Variants in EDA observed in about 807,000 individuals in gnomAD.
The protein encoded by EDA is ectodysplasin-A.
A neutral mutation model predicts 23.6 loss-of-function variants in EDA; 2 were observed. The observed-to-expected ratio is 0.08, with a 90% CI of 0.03 to 0.27. EDA has a LOEUF of 0.27. Ranked by LOEUF, EDA falls within the 10% of genes least tolerant of loss-of-function variation. The probability of loss-of-function intolerance (pLI) is 1.00; values close to 1 mark genes in which losing one functional copy is unlikely to be tolerated. For missense variants in EDA, 229 were observed against 324.2 expected (o/e 0.71, Z 2.26); for synonymous variants, 131 against 132.0 (o/e 0.99, Z 0.05).
chrX:69,642,002 C>G (rs1932844997), intron 1 of EDA, among the ~76,000 whole-genome samples: 1 of 111,668 alleles, frequency 9.0e-6, no homozygotes, highest in South Asian at 3.7e-4. Context: ...TAGAAAAGTT[C>G]CTGGCTTACA....
rs953986317 is a variant in EDA at position 69,973,578 on chromosome X, T to G, written c.502+16446T>G. Among the ~76,000 whole-genome samples the G allele has an allele frequency of 2.7e-5, 3 of 111,603 alleles. No homozygotes were observed. In the East Asian group the frequency reaches 8.5e-4, roughly 32 times the overall value. On this transcript the variant is annotated intron_variant, in intron 2 of 7. Coordinates refer to ENST00000374552, the MANE Select transcript of EDA (RefSeq NM_001399.5). ...GGAACTCCCTCTAACTTGCATTGCC[T>G]TCTCCCTCATTCCCTAGTTGTCCCA...
intron 1 of EDA, among the ~76,000 whole-genome samples, chrX:69,791,864 A>C (rs2015414182): frequency 8.9e-6 from 1 of 111,892 alleles, no homozygotes; most frequent in Non-Finnish European, 1.9e-5. Flanking sequence ...GGCTGGTCTC[A>C]AATTCCTGAC....
intron 1 of EDA, among the ~76,000 whole-genome samples, chrX:69,707,085 A>C (rs1213970375): frequency 8.9e-6 from 1 of 112,325 alleles, no homozygotes; most frequent in Admixed American, 9.5e-5. Flanking sequence ...TCCAAAGATC[A>C]TGTTGACCAG....
At chrX:69,698,232 G>T (rs1299900038) in intron 1 of EDA, among the ~76,000 whole-genome samples, 4 of 111,620 alleles carry the variant, frequency 3.6e-5, no homozygotes, top group Non-Finnish European at 7.5e-5. Flanking sequence ...CGAGGGTGTT[G>T]CCCACTGTTA....
At chrX:69,738,425 A>G (rs2013341423) in intron 1 of EDA, among the ~76,000 whole-genome samples, 1 of 108,481 alleles carries the variant, frequency 9.2e-6, no homozygotes, top group South Asian at 3.9e-4. Context: ...TAATTTCTCA[A>G]TTTTGTAGAT....
In EDA at chrX:69,749,919, GTTCTTTTTT is replaced by G. The variant is rs1268323184; in HGVS notation, c.396+133218_396+133226del. Among the ~76,000 whole-genome samples, 42 of 48,607 alleles carry G rather than the reference GTTCTTTTTT, an allele frequency of 8.6e-4. 1 individual carries two copies. Among genetic ancestry groups the G allele is most frequent in the Middle Eastern group, 0.011 (1 of 89 alleles). The allele number at this position is 48,607 out of a possible 115,157, so 42.2% of individuals were successfully genotyped here. A position where few individuals can be genotyped will look rare whatever the true frequency, so the allele number is the denominator to read the frequency against. On this transcript the variant is annotated intron_variant, in intron 1 of 7. Transcript: ENST00000374552. The stretch of plus-strand genomic sequence containing the variant: ...TTTTTAGAAACTTCCTCTCACTAAG[GTTCTTTTTT>G]TTTTTTTTTTTTTTTTTTTTTGGTT...
At chrX:69,795,397 G>T (rs963571986) in intron 1 of EDA, among the ~76,000 whole-genome samples, 6 of 112,567 alleles carry the variant, frequency 5.3e-5, no homozygotes, top group Non-Finnish European at 1.1e-4. Flanking sequence ...AAACATAATT[G>T]TAGCTAAATC....
At chrX:69,635,820 T>C (rs1569278614) in intron 1 of EDA, among the ~76,000 whole-genome samples, 1 of 110,265 alleles carries the variant, frequency 9.1e-6, no homozygotes, top group Non-Finnish European at 1.9e-5. Context: ...CCAAATCTTA[T>C]AGATTCTACC....
chrX:69,988,647 G>A (rs2019539739), intron 2 of EDA, among the ~76,000 whole-genome samples: 1 of 111,709 alleles, frequency 9.0e-6, no homozygotes, highest in Non-Finnish European at 1.9e-5. Flanking sequence ...CCTGAAGTCA[G>A]GGATTCGAGA....
intron 1 of EDA, among the ~76,000 whole-genome samples, chrX:69,711,947 C>G (rs2012067770): frequency 9.0e-6 from 1 of 111,146 alleles, no homozygotes; most frequent in Admixed American, 9.6e-5. Flanking sequence ...AAAACCAGCT[C>G]CTGGATTCAT....
At chrX:69,832,205 A>T (rs763485935) in intron 1 of EDA, among the ~76,000 whole-genome samples, 1 of 111,433 alleles carries the variant, frequency 9.0e-6, no homozygotes, top group Non-Finnish European at 1.9e-5. Context: ...ATCTCGAGTT[A>T]ATTTTTGTAT....
chrX:69,616,433 T>A lies in EDA; in HGVS notation c.125T>A (p.Leu42His), dbSNP rs149975042. 2 of 1,210,293 alleles carry A rather than the reference T, an allele frequency of 1.7e-6. No individual in the cohort carries two copies. Among genetic ancestry groups the A allele is most frequent in the Non-Finnish European group, 2.2e-6 (2 of 895,112 alleles). Residue 42 changes from leucine (L) to histidine (H), a missense_variant, in exon 1 of 8, where the codon CTC becomes CAC. Physicochemically the swap from Leu to His is moderately conservative, Grantham distance 99. Around this residue, in one of 2 missense-constraint regions of EDA, gnomAD observed 54 missense variants for 42.4 expected, o/e 1.27. Coordinates refer to ENST00000374552, the MANE Select transcript of EDA (RefSeq NM_001399.5). ...ARAGEGNSCLLFLGFFGLSLA... is the reference protein window; with the variant it reads ...ARAGEGNSCLHFLGFFGLSLA... ...GCGGGCGAAGGGAACAGCTGCCTGC[T>A]CTTCCTGGGTTTCTTTGGCCTCTCG...
At chrX:69,977,468 T>C (rs1169778583) in intron 2 of EDA, among the ~76,000 whole-genome samples, 1 of 111,918 alleles carries the variant, frequency 8.9e-6, no homozygotes, top group Non-Finnish European at 1.9e-5. Flanking sequence ...ATCTACATGG[T>C]CAGAAAATAC....
In EDA at chrX:70,027,930, A is replaced by G; in HGVS notation, c.600A>G (p.Pro200=). 2.5e-6 allele frequency: 3 copies of G among 1,179,406 alleles called. No individual in the cohort carries two copies. Among genetic ancestry groups the G allele is most frequent in the Non-Finnish European group, 3.4e-6 (3 of 877,887 alleles). Residue 200 remains proline (P), a synonymous_variant, in exon 4 of 8, where the codon CCA becomes CCG. Transcript: ENST00000374552. ...GACCTCCAGGACCCCAGGGACCCCCAGGAATTCCAGGGATTCCTGGAATTC... is the reference window on the plus strand; with the variant it reads ...GACCTCCAGGACCCCAGGGACCCCCGGGAATTCCAGGGATTCCTGGAATTC... ...PPGPPGPQGP[P]GIPGIPGIPG...
chrX:69,681,313 T>G (rs1395256503), intron 1 of EDA, among the ~76,000 whole-genome samples: 1 of 108,865 alleles, frequency 9.2e-6, no homozygotes, highest in East Asian at 2.9e-4. Flanking sequence ...GAGTTGCTCT[T>G]CTCGAGGAGT....
At chrX:69,875,096 C>T (rs906923064) in intron 1 of EDA, among the ~76,000 whole-genome samples, 4 of 111,316 alleles carry the variant, frequency 3.6e-5, no homozygotes, top group African/African-American at 1.3e-4. Context: ...CATCACAATA[C>T]CATCATCATT....
At chrX:69,844,606 C>T (rs904759888) in intron 1 of EDA, among the ~76,000 whole-genome samples, 1 of 112,659 alleles carries the variant, frequency 8.9e-6, no homozygotes. Context: ...AGAACAAATT[C>T]TGCAATGTGG....
intron 1 of EDA, among the ~76,000 whole-genome samples, chrX:69,848,146 G>T (rs1602478247): frequency 8.9e-6 from 1 of 111,977 alleles, no homozygotes; most frequent in South Asian, 3.7e-4. Context: ...ATTTTGCAAA[G>T]TAAGGACATT....
At chrX:69,754,539 T>G (rs925067932) in intron 1 of EDA, among the ~76,000 whole-genome samples, 3 of 111,567 alleles carry the variant, frequency 2.7e-5, no homozygotes, top group African/African-American at 9.8e-5. Context: ...GACAATTATA[T>G]GTATTGGAGT....
Sources: gnomAD v4.1 joint callset for allele counts (sites outside exome capture counted in the v4.1 genomes callset) on GRCh38, gnomAD v4.1.1 for gene constraint, gnomAD v4.1.1 regional missense constraint, MANE v1.5 for transcripts, NCBI Gene and HGNC (gene_info 2026-07-23, HGNC 2026-07-21) for gene names.